DNAH14: variants seen among roughly 807,000 people sequenced by gnomAD.
DNAH14 encodes the protein dynein axonemal heavy chain 14.
DNAH14 carries 478 observed loss-of-function variants against 520.9 expected under a neutral mutation model. The ratio of observed to expected loss-of-function variants is 0.92; its 90% confidence interval spans 0.85 to 0.99. The LOEUF is 0.99. Among genes scored for constraint, DNAH14 ranks in the 50% least tolerant of loss-of-function variants. DNAH14 has a pLI of 0.00. For synonymous variants in DNAH14, 1,581 were observed against 1,757.2 expected, an observed-to-expected ratio of 0.90 and a Z score of 2.51; for missense variants, 4,831 against 5,234.5, an observed-to-expected ratio of 0.92 and a Z score of 2.38.
intron 34 of DNAH14, among the ~76,000 whole-genome samples, chr1:225,156,970 C>G (rs1277187843): frequency 2.7e-5 from 3 of 109,416 alleles, no homozygotes; most frequent in Non-Finnish European, 5.6e-5. Context: ...CCGCCTCGGC[C>G]TCCCGAAGTG....
chr1:225,072,605 CA>C (rs2071676804), intron 17 of DNAH14, among the ~76,000 whole-genome samples: 1 of 152,206 alleles, frequency 6.6e-6, no homozygotes, highest in Admixed American at 6.5e-5. Context: ...AGAAAGAGCG[CA>C]TTCTGGCTTT....
At chr1:225,241,352 A>T (rs1026525150) in intron 43 of DNAH14, among the ~76,000 whole-genome samples, 2 of 152,204 alleles carry the variant, frequency 1.3e-5, no homozygotes, top group African/African-American at 4.8e-5. Flanking sequence ...TGATGCAGGT[A>T]CCAAAAAGAG....
At position 224,935,677 on chromosome 1, in the gene DNAH14, A is replaced by G. The variant is rs563947438; in HGVS notation, c.-34+5842A>G. Among the ~76,000 whole-genome samples the G allele has an allele frequency of 6.2e-4, 95 of 152,020 alleles. 2 individuals are homozygous for G. The highest frequency in any genetic ancestry group is 1.1e-3 in the Non-Finnish European group (77 of 67,782). On this transcript the variant is annotated intron_variant, in intron 1 of 85. Coordinates refer to ENST00000682510, the MANE Select transcript of DNAH14 (RefSeq NM_001367479.1). ...GATTATCTAGACAGAAAATCAAAAAAGAAACATTAGATTAGAACTGGACTT... is the reference window on the plus strand; with the variant it reads ...GATTATCTAGACAGAAAATCAAAAAGGAAACATTAGATTAGAACTGGACTT...
intron 1 of DNAH14, among the ~76,000 whole-genome samples, chr1:224,930,539 T>A (rs2058617870): frequency 6.6e-6 from 1 of 152,238 alleles, no homozygotes; most frequent in African/African-American, 2.4e-5. Flanking sequence ...TACAATTATG[T>A]ACAGTACATA....
At chr1:225,336,959 C>T (rs1044622582) in intron 66 of DNAH14, among the ~76,000 whole-genome samples, 1 of 152,018 alleles carries the variant, frequency 6.6e-6, no homozygotes, top group East Asian at 1.9e-4. Context: ...ATATTGTATG[C>T]GTTAGAGTCT....
intron 23 of DNAH14, 69 bp downstream of exon 23, chr1:225,100,953 T>C: frequency 7.9e-7 from 1 of 1,265,494 alleles, no homozygotes. Flanking sequence ...TATAATGTAA[T>C]CTACTGCAGA....
chr1:225,330,050 G>C (rs955752986), intron 64 of DNAH14, among the ~76,000 whole-genome samples: 1 of 152,074 alleles, frequency 6.6e-6, no homozygotes, highest in Non-Finnish European at 1.5e-5. Context: ...CATATAAAAA[G>C]GTGCTCAATA....
chr1:225,240,668 C>T lies in DNAH14; in HGVS notation c.6594C>T (p.Ala2198=), dbSNP rs1400062253. The change falls in exon 43 of 86, where the codon GCC becomes GCT. Residue 2198 remains alanine (A), a synonymous_variant. Transcript: ENST00000682510. ...TTATTCAAAAGCTTTTTGTGTTTGC[C>T]TTTACTTGGGCATTTGGAGGAGCTT... is the stretch of plus-strand genomic sequence containing the variant. ...TKIIQKLFVF[A]FTWAFGGALN... The T allele has an allele frequency of 6.4e-7, 1 of 1,550,546 alleles. No individual in the cohort carries two copies. The highest frequency in any genetic ancestry group is 8.7e-7 in the Non-Finnish European group (1 of 1,146,406).
At chr1:225,112,242 A>C (rs934729898) in intron 23 of DNAH14, among the ~76,000 whole-genome samples, 3 of 152,180 alleles carry the variant, frequency 2.0e-5, no homozygotes, top group Admixed American at 1.3e-4. Context: ...CAGATATACT[A>C]TACTAGGGTA....
chr1:225,161,263 G>T (rs1236828274), intron 35 of DNAH14, among the ~76,000 whole-genome samples: 1 of 152,154 alleles, frequency 6.6e-6, no homozygotes, highest in Non-Finnish European at 1.5e-5. Flanking sequence ...ATAAGTGAGA[G>T]CATGCAATGT....
intron 5 of DNAH14, among the ~76,000 whole-genome samples, chr1:224,965,514 T>C (rs2061108629): frequency 6.6e-6 from 1 of 152,064 alleles, no homozygotes; most frequent in Non-Finnish European, 1.5e-5. Context: ...CATTGATAGA[T>C]AATACATATA....
rs75120155 is a variant in DNAH14 at position 224,939,313 on chromosome 1, T to C, written c.-34+9478T>C. Among the ~76,000 whole-genome samples the C allele has an allele frequency of 1.9e-4, 29 of 152,266 alleles. No homozygotes were observed. The East Asian group carries it at 5.6e-3, about 29-fold the overall frequency. On this transcript the variant is annotated intron_variant, in intron 1 of 85. Coordinates refer to ENST00000682510, the MANE Select transcript of DNAH14 (RefSeq NM_001367479.1). ...AAGTAGAACCCTCAGATGCACTGGA[T>C]TGTACTCTAATCCTTTTCCCCTATA...
intron 9 of DNAH14, 34 bp from the exon 10 acceptor site, chr1:225,007,379 T>C: frequency 6.9e-7 from 1 of 1,459,642 alleles, no homozygotes; most frequent in Non-Finnish European, 9.1e-7. Flanking sequence ...AATTTTGACT[T>C]TCTAACACTG....
At chr1:225,018,880 C>G (rs2065428212) in intron 10 of DNAH14, among the ~76,000 whole-genome samples, 1 of 152,178 alleles carries the variant, frequency 6.6e-6, no homozygotes, top group Non-Finnish European at 1.5e-5. Flanking sequence ...CTAGACCTAC[C>G]TTACAAGAGG....
chr1:224,975,338 T>C (rs2061746855), intron 8 of DNAH14, among the ~76,000 whole-genome samples: 1 of 152,190 alleles, frequency 6.6e-6, no homozygotes, highest in South Asian at 2.1e-4. Context: ...AGAATTCGGC[T>C]GTGAATCCAT....
chr1:225,175,716 T>C (rs1462676245), intron 36 of DNAH14, among the ~76,000 whole-genome samples: 10 of 148,320 alleles, frequency 6.7e-5, no homozygotes, highest in Admixed American at 2.0e-4. Flanking sequence ...TTTTTTTTTT[T>C]TTTTTGAGAT....
intron 51 of DNAH14, 100 bp from the exon 52 acceptor site, chr1:225,272,855 C>G (rs546685023): frequency 5.2e-6 from 6 of 1,150,108 alleles, no homozygotes; most frequent in Admixed American, 6.5e-5. Context: ...ATAATTGCTT[C>G]TATTTTTATG....
rs118044447 is a variant in DNAH14 at position 224,997,070 on chromosome 1, G to T, written c.831-5713G>T. On this transcript the variant is annotated intron_variant, in intron 8 of 85. Transcript: ENST00000682510. ...GTGACCAGCTAGGATTTGTGAGGGA[G>T]CTATGCTGTTAGCTGGTACCTCAGA... Among the ~76,000 whole-genome samples the T allele has an allele frequency of 1.7e-3, 253 of 152,190 alleles. 4 individuals are homozygous for T. In the East Asian group the frequency reaches 0.028, roughly 17 times the overall value.
At chr1:225,097,095 T>C in intron 21 of DNAH14, 23 bp from the exon 22 acceptor site, 1 of 1,522,352 alleles carries the variant, frequency 6.6e-7, no homozygotes, top group Non-Finnish European at 8.8e-7. Context: ...GATTTGTATG[T>C]GTATATGTTT....
Sources: gnomAD v4.1 joint callset for allele counts (sites outside exome capture counted in the v4.1 genomes callset) on GRCh38, gnomAD v4.1.1 for gene constraint, MANE v1.5 for transcripts, NCBI Gene and HGNC (gene_info 2026-07-23, HGNC 2026-07-21) for gene names.